The following SAMD12 variants were observed in gnomAD, a reference collection of about 807,000 sequenced individuals.
SAMD12 encodes sterile alpha motif domain-containing protein 12.
Under a neutral mutation model 15.0 loss-of-function variants are expected in SAMD12, and 9 were observed. The ratio of observed to expected loss-of-function variants is 0.60; its 90% CI spans 0.36 to 1.05. SAMD12 has a LOEUF of 1.05. Among genes scored for constraint, SAMD12 ranks in the 50% least tolerant of loss-of-function variants. The probability of loss-of-function intolerance (pLI) is 0.01; values close to 1 mark genes in which losing one functional copy is unlikely to be tolerated. For synonymous variants in SAMD12, 86 were observed against 90.1 expected, an observed-to-expected ratio of 0.96 and a Z score of 0.25; for missense variants, 230 against 234.2, an observed-to-expected ratio of 0.98 and a Z score of 0.12.
intron 4 of SAMD12, among the ~76,000 whole-genome samples, chr8:118,217,109 T>C (rs1052168846): frequency 1.4e-4 from 21 of 152,270 alleles, no homozygotes; most frequent in Non-Finnish European, 1.9e-4. Context: ...GTTCAAGCGA[T>C]TCTTCTGCCT....
chr8:118,265,009 T>G (rs557891890), intron 4 of SAMD12, among the ~76,000 whole-genome samples: 32 of 152,272 alleles, frequency 2.1e-4, no homozygotes, highest in African/African-American at 7.5e-4. Context: ...GGAACTGCAC[T>G]GCAATGAGGC....
intron 3 of SAMD12, among the ~76,000 whole-genome samples, chr8:118,405,748 T>C (rs1175464615): frequency 6.6e-6 from 1 of 152,174 alleles, no homozygotes; most frequent in Admixed American, 6.5e-5. Flanking sequence ...CATTTTGTCC[T>C]AGAATTTGAA....
At position 118,378,739 on chromosome 8, in the gene SAMD12, G is replaced by A. The variant is rs1819511388; in HGVS notation, c.*678C>T. 13 of 980,560 alleles carry A rather than the reference G, an allele frequency of 1.3e-5. No homozygotes were observed. In the South Asian group the frequency reaches 6.1e-4, roughly 46 times the overall value. 60.7% of individuals were successfully genotyped at this position (980,560 alleles called of 1,614,324 possible). ...TGGACGCTAAAATAAAACAAATAAAGTTTATAGCCAATGAAGGTTGATAGC... is the reference window on the plus strand; with the variant it reads ...TGGACGCTAAAATAAAACAAATAAAATTTATAGCCAATGAAGGTTGATAGC... On this transcript the variant is annotated 3_prime_UTR_variant, in exon 4 of 4. Coordinates refer to ENST00000314727, the MANE Select transcript of SAMD12 (RefSeq NM_207506.3).
chr8:118,241,018 A>G (rs752864348), intron 4 of SAMD12, among the ~76,000 whole-genome samples: 6 of 152,096 alleles, frequency 3.9e-5, no homozygotes, highest in African/African-American at 7.2e-5. Context: ...ACCTTCCCCT[A>G]CAAACAACCA....
intron 4 of SAMD12, among the ~76,000 whole-genome samples, chr8:118,339,782 A>G (rs998267008): frequency 1.3e-5 from 2 of 152,232 alleles, no homozygotes; most frequent in Non-Finnish European, 2.9e-5. Flanking sequence ...GTCTCTTCAG[A>G]GCAGGTGGTT....
intron 3 of SAMD12, among the ~76,000 whole-genome samples, chr8:118,392,087 C>G (rs982120239): frequency 6.6e-6 from 1 of 152,228 alleles, no homozygotes. Flanking sequence ...ATGACACCCT[C>G]TCTCCCCATG....
chr8:118,381,701 C>T (rs1358139691), intron 3 of SAMD12, among the ~76,000 whole-genome samples: 1 of 152,206 alleles, frequency 6.6e-6, no homozygotes. Context: ...TTATCTCCCA[C>T]ACCCCATAGA....
intron 4 of SAMD12, among the ~76,000 whole-genome samples, chr8:118,306,879 G>C (rs1214963400): frequency 6.6e-6 from 1 of 152,090 alleles, no homozygotes; most frequent in Non-Finnish European, 1.5e-5. Flanking sequence ...TTTATACTTA[G>C]AATTGACGTA....
chr8:118,404,784 A>C (rs1391514739), intron 3 of SAMD12, among the ~76,000 whole-genome samples: 1 of 152,182 alleles, frequency 6.6e-6, no homozygotes, highest in Non-Finnish European at 1.5e-5. Flanking sequence ...TATCAGCTCT[A>C]CAAGTCCATT....
At chr8:118,269,242 G>T (rs907124203) in intron 4 of SAMD12, among the ~76,000 whole-genome samples, 3 of 151,080 alleles carry the variant, frequency 2.0e-5, no homozygotes, top group Non-Finnish European at 4.4e-5. Flanking sequence ...GTGTGTGTGT[G>T]TGTGTGTGTG....
rs551551742 is a variant in SAMD12 at position 118,211,231 on chromosome 8, A to T, written c.434-13499T>A. On this transcript the variant is annotated intron_variant, in intron 4 of 4. Transcript: ENST00000409003. ...TTTAAGCATCTTTGCACAACTCCCA[A>T]ATCATCAGCATAGTCTCCTAAACTA... is the stretch of plus-strand genomic sequence containing the variant. Among the ~76,000 whole-genome samples the T allele has an allele frequency of 5.9e-5, 9 of 152,306 alleles. No homozygotes were observed. In the South Asian group the frequency reaches 1.9e-3, roughly 32 times the overall value.
intron 4 of SAMD12, among the ~76,000 whole-genome samples, chr8:118,248,585 G>C (rs1195107715): frequency 6.6e-6 from 1 of 151,826 alleles, no homozygotes; most frequent in Non-Finnish European, 1.5e-5. Context: ...TTAGCTCACT[G>C]TCTGTTTTGG....
chr8:118,318,198 G>T (rs919546633), intron 4 of SAMD12, among the ~76,000 whole-genome samples: 1 of 151,124 alleles, frequency 6.6e-6, no homozygotes, highest in Non-Finnish European at 1.5e-5. Flanking sequence ...CCACTAGTGG[G>T]TATCTACCCA....
intron 1 of SAMD12, among the ~76,000 whole-genome samples, chr8:118,601,297 A>T (rs1331015881): frequency 6.6e-6 from 1 of 152,158 alleles, no homozygotes; most frequent in Non-Finnish European, 1.5e-5. Context: ...TTACTCTAGG[A>T]TATTACCAGA....
At chr8:118,210,119 A>G (rs910081342) in intron 4 of SAMD12, among the ~76,000 whole-genome samples, 3 of 152,178 alleles carry the variant, frequency 2.0e-5, no homozygotes, top group East Asian at 1.9e-4. Flanking sequence ...TATTATCTCT[A>G]TTTGGATGAG....
At chr8:118,280,724 T>C (rs1293940434) in intron 4 of SAMD12, among the ~76,000 whole-genome samples, 1 of 152,154 alleles carries the variant, frequency 6.6e-6, no homozygotes, top group Non-Finnish European at 1.5e-5. Context: ...CACACATAGA[T>C]GGTAATGATT....
chr8:118,365,690 C>T (rs758936245), intron 4 of SAMD12, among the ~76,000 whole-genome samples: 73 of 152,054 alleles, frequency 4.8e-4, no homozygotes, highest in Non-Finnish European at 8.5e-4. Flanking sequence ...AGCCAATTCC[C>T]ATAATAAATC....
rs918601576 is a variant in SAMD12, at chr8:118,495,298, T to C, written c.193-55337A>G. 3.9e-5 allele frequency among the ~76,000 whole-genome samples: 6 copies of C among 152,140 alleles called. No individual in the cohort carries two copies. In the South Asian group the frequency reaches 1.2e-3, roughly 32 times the overall value. On this transcript the variant is annotated intron_variant, in intron 2 of 3. Coordinates refer to ENST00000314727, the MANE Select transcript of SAMD12 (RefSeq NM_207506.3). ...CATTAAGCAAGCCACAGCACATGAG[T>C]CTCAGAAGCCCAAATTCCAAAGCTT... is the stretch of plus-strand genomic sequence containing the variant.
intron 2 of SAMD12, among the ~76,000 whole-genome samples, chr8:118,462,841 G>A (rs1426673543): frequency 6.6e-6 from 1 of 152,072 alleles, no homozygotes; most frequent in African/African-American, 2.4e-5. Context: ...GGTGGCTCAC[G>A]CCTGTAATCC....
Sources: gnomAD v4.1 joint callset for allele counts (sites outside exome capture counted in the v4.1 genomes callset) on GRCh38, gnomAD v4.1.1 for gene constraint, MANE v1.5 for transcripts, NCBI Gene and HGNC (gene_info 2026-07-23, HGNC 2026-07-21) for gene names.